The following ACTR3B variants were observed in gnomAD, a reference collection of about 807,000 sequenced individuals.
ACTR3B encodes the protein actin related protein 3B, also known as actin-related protein 3B.
A neutral mutation model predicts 59.0 loss-of-function variants in ACTR3B; 8 were observed. The ratio of observed to expected loss-of-function variants is 0.14; its 90% CI spans 0.08 to 0.24. The LOEUF is 0.24. Among genes scored for constraint, ACTR3B ranks in the 10% least tolerant of loss-of-function variants. The probability of loss-of-function intolerance (pLI) is 1.00; values close to 1 mark genes in which losing one functional copy is unlikely to be tolerated. For synonymous variants in ACTR3B, 148 were observed against 197.9 expected, an observed-to-expected ratio of 0.75 and a Z score of 2.12; for missense variants, 245 against 552.3, an observed-to-expected ratio of 0.44 and a Z score of 5.58.
chr7:152,853,696 C>T, intron 11 of ACTR3B, 119 bp downstream of exon 11: 1 of 819,928 alleles, frequency 1.2e-6, no homozygotes, highest in Middle Eastern at 2.4e-4. Flanking sequence ...CTAAACAGAC[C>T]ATTCTGTAAG....
chr7:152,771,156 G>A (rs899716936), intron 1 of ACTR3B, among the ~76,000 whole-genome samples: 1 of 151,808 alleles, frequency 6.6e-6, no homozygotes, highest in Non-Finnish European at 1.5e-5. Context: ...TAGAGATGGG[G>A]TTTCACCATG....
At chr7:152,846,883 AGC>A (rs1345508216) in intron 9 of ACTR3B, among the ~76,000 whole-genome samples, 11 of 138,304 alleles carry the variant, frequency 8.0e-5, no homozygotes, top group Admixed American at 3.7e-4. Context: ...GTCTGTAGTG[AGC>A]CCCAGCGCCC....
chr7:152,768,877 C>T (rs1201966799), intron 1 of ACTR3B, among the ~76,000 whole-genome samples: 1 of 150,410 alleles, frequency 6.6e-6, no homozygotes, highest in Non-Finnish European at 1.5e-5. Context: ...TAATTGAGAC[C>T]GAGTCTCCTT....
At chr7:152,775,339 A>G (rs1650658071) in intron 1 of ACTR3B, among the ~76,000 whole-genome samples, 2 of 152,112 alleles carry the variant, frequency 1.3e-5, no homozygotes, top group South Asian at 4.1e-4. Context: ...ATATATAAAT[A>G]TGTTGAGTCA....
intron 1 of ACTR3B, among the ~76,000 whole-genome samples, chr7:152,763,313 CAAAAAAAAAAAA>C (rs925259822): frequency 1.5e-4 from 3 of 20,506 alleles, no homozygotes; most frequent in Non-Finnish European, 2.0e-4. Flanking sequence ...GACTCCATCT[CAAAAAAAAAAAA>C]AAAAAAAAAA....
At chr7:152,818,209 T>C (rs534439492) in intron 6 of ACTR3B, among the ~76,000 whole-genome samples, 1 of 152,328 alleles carries the variant, frequency 6.6e-6, no homozygotes, top group East Asian at 1.9e-4. Context: ...GTTCTTTGCC[T>C]ATTTCTTATG....
At chr7:152,780,876 C>A (rs1280870145) in intron 1 of ACTR3B, among the ~76,000 whole-genome samples, 1 of 146,004 alleles carries the variant, frequency 6.8e-6, no homozygotes, top group African/African-American at 2.6e-5. Flanking sequence ...GACAGGATCT[C>A]GCTCTGTCAC....
chr7:152,783,983 G>A (rs773627303), intron 2 of ACTR3B, among the ~76,000 whole-genome samples: 3 of 152,016 alleles, frequency 2.0e-5, no homozygotes, highest in Non-Finnish European at 2.9e-5. Flanking sequence ...CCAGCGACTC[G>A]GGAGGCTGAG....
chr7:152,811,050 CA>C (rs900882631), intron 4 of ACTR3B: 15 of 150,764 alleles, frequency 9.9e-5, no homozygotes, highest in African/African-American at 3.7e-4. Context: ...TAAATTGTTC[CA>C]AAGTGTTTAG....
chr7:152,835,192 G>T (rs1048087770), intron 9 of ACTR3B, among the ~76,000 whole-genome samples: 2 of 152,222 alleles, frequency 1.3e-5, no homozygotes, highest in Non-Finnish European at 2.9e-5. Flanking sequence ...GGGCTGAGCC[G>T]CTTCCTAGCA....
intron 1 of ACTR3B, among the ~76,000 whole-genome samples, chr7:152,761,536 C>T (rs2098089314): frequency 1.3e-5 from 2 of 152,090 alleles, no homozygotes; most frequent in African/African-American, 4.8e-5. Flanking sequence ...AAATGTCGTG[C>T]TCAGTTTTGA....
intron 7 of ACTR3B, among the ~76,000 whole-genome samples, chr7:152,822,219 C>T (rs953111997): frequency 1.3e-5 from 2 of 152,202 alleles, no homozygotes; most frequent in Admixed American, 1.3e-4. Flanking sequence ...GAATATGTTT[C>T]AGGGATGCTA....
At chr7:152,810,754 TAACTG>T (rs1279735465) in intron 4 of ACTR3B, 2 of 151,908 alleles carry the variant, frequency 1.3e-5, no homozygotes, top group Non-Finnish European at 2.9e-5. Context: ...ATACAAAACT[TAACTG>T]AGCGTGATGG....
At position 152,825,362 on chromosome 7, in the gene ACTR3B, A is replaced by G. The variant is rs1407017004; in HGVS notation, c.951+240A>G. 6.6e-5 allele frequency among the ~76,000 whole-genome samples: 10 copies of G among 152,208 alleles called. 1 individual carries two copies. In the South Asian group the frequency reaches 1.0e-3, roughly 16 times the overall value. On this transcript the variant is annotated intron_variant, in intron 9 of 11. Transcript: ENST00000256001. ...ACTCTTGCTCTGTCACCCGGGCTGG[A>G]GTGCAGTGGTGCGATCTCAGCTCAC...
At chr7:152,770,390 A>G (rs2098121110) in intron 1 of ACTR3B, among the ~76,000 whole-genome samples, 1 of 152,100 alleles carries the variant, frequency 6.6e-6, no homozygotes, top group African/African-American at 2.4e-5. Flanking sequence ...GGATGAATAG[A>G]CCATTGCCAA....
intron 9 of ACTR3B, among the ~76,000 whole-genome samples, chr7:152,838,765 T>A (rs1264504946): frequency 6.6e-6 from 1 of 152,244 alleles, no homozygotes; most frequent in Admixed American, 6.5e-5. Context: ...CACTTTTTGC[T>A]CTATTAGGAG....
rs1244895928 is a variant in ACTR3B, at chr7:152,854,586, C to T, written c.*33C>T. 7 of 1,599,208 alleles carry T rather than the reference C, an allele frequency of 4.4e-6. No homozygotes were observed. The highest frequency in any genetic ancestry group is 2.7e-5 in the African/African-American group (2 of 74,582). ...CTGAACGCGTCGTTCGATGGTGTCA[C>T]GTTGGGGAACAAGTGTCCTTCAGAA... On this transcript the variant is annotated 3_prime_UTR_variant, in exon 12 of 12. Coordinates refer to ENST00000256001, the MANE Select transcript of ACTR3B (RefSeq NM_020445.6). This position sits in a 1 kb window ranked among gnomAD's most constrained non-coding sequence, Gnocchi z 4.9.
At chr7:152,765,488 C>T (rs1299004970) in intron 1 of ACTR3B, among the ~76,000 whole-genome samples, 1 of 151,338 alleles carries the variant, frequency 6.6e-6, no homozygotes, top group Non-Finnish European at 1.5e-5. Context: ...CCTTGCCCTC[C>T]CAAAAGCCAC....
chr7:152,778,227 ATTTT>A (rs58107330), intron 1 of ACTR3B, among the ~76,000 whole-genome samples: 2 of 129,708 alleles, frequency 1.5e-5, no homozygotes, highest in African/African-American at 2.9e-5. Flanking sequence ...TTGAGCCTAG[ATTTT>A]TTTTTTTTTT....
Sources: gnomAD v4.1 joint callset for allele counts (sites outside exome capture counted in the v4.1 genomes callset) on GRCh38, gnomAD v4.1.1 for gene constraint, Gnocchi (gnomAD v3.1) non-coding constraint, MANE v1.5 for transcripts, NCBI Gene and HGNC (gene_info 2026-07-23, HGNC 2026-07-21) for gene names.